PDGFC: variants seen among roughly 807,000 people sequenced by gnomAD.
PDGFC encodes the protein platelet-derived growth factor C.
Under a neutral mutation model 35.5 loss-of-function variants are expected in PDGFC, and 12 were observed. The observed-to-expected ratio is 0.34, with a 90% CI of 0.22 to 0.55. The LOEUF is 0.55. Ranked by LOEUF, PDGFC falls within the 20% of genes least tolerant of loss-of-function variation. The pLI is 0.91. For missense variants in PDGFC, 322 were observed against 412.4 expected, an observed-to-expected ratio of 0.78 and a Z score of 1.90; for synonymous variants, 159 against 148.8, an observed-to-expected ratio of 1.07 and a Z score of -0.50.
intron 1 of PDGFC, among the ~76,000 whole-genome samples, chr4:156,862,152 C>T (rs960843063): frequency 2.0e-5 from 3 of 151,960 alleles, no homozygotes; most frequent in Non-Finnish European, 4.4e-5. Flanking sequence ...AATAGCTTTC[C>T]AGGAAGAAAT....
chr4:156,801,518 C>T (rs928786606), intron 3 of PDGFC, among the ~76,000 whole-genome samples: 62 of 152,084 alleles, frequency 4.1e-4, no homozygotes, highest in African/African-American at 1.3e-3. Context: ...TCATGCAAAG[C>T]GTCTCCTACT....
chr4:156,966,684 G>A (rs1032363064), intron 1 of PDGFC, among the ~76,000 whole-genome samples: 16 of 152,104 alleles, frequency 1.1e-4, no homozygotes, highest in Admixed American at 2.6e-4. Flanking sequence ...TAAGGCTTCC[G>A]TGCCTGAGAC....
intron 1 of PDGFC, among the ~76,000 whole-genome samples, chr4:156,928,817 C>T (rs566248526): frequency 2.0e-4 from 30 of 152,260 alleles, no homozygotes; most frequent in Middle Eastern, 6.8e-3. Flanking sequence ...CAAGAGATTC[C>T]ACTTTTTCTC....
intron 1 of PDGFC, among the ~76,000 whole-genome samples, chr4:156,925,529 G>A (rs1731387825): frequency 6.6e-6 from 1 of 151,982 alleles, no homozygotes; most frequent in Non-Finnish European, 1.5e-5. Context: ...GAAGAATAGG[G>A]GAAAAGCACA....
chr4:156,873,475 C>G (rs574992595), intron 1 of PDGFC, among the ~76,000 whole-genome samples: 45 of 152,176 alleles, frequency 3.0e-4, no homozygotes, highest in Admixed American at 5.2e-4. Flanking sequence ...AGGGCATGTT[C>G]TTCATCTTAA....
intron 2 of PDGFC, among the ~76,000 whole-genome samples, chr4:156,831,678 G>A (rs971311808): frequency 1.3e-5 from 2 of 151,650 alleles, no homozygotes; most frequent in African/African-American, 4.9e-5. Context: ...TCCTGACCAA[G>A]TGATCCATCC....
At chr4:156,804,846 T>C (rs1731716808) in intron 3 of PDGFC, among the ~76,000 whole-genome samples, 1 of 152,052 alleles carries the variant, frequency 6.6e-6, no homozygotes, top group South Asian at 2.1e-4. Context: ...AGCTTTTAAA[T>C]CTTTGTGGCT....
intron 1 of PDGFC, among the ~76,000 whole-genome samples, chr4:156,953,857 A>C (rs1732142984): frequency 6.6e-6 from 1 of 152,006 alleles, no homozygotes; most frequent in Non-Finnish European, 1.5e-5. Flanking sequence ...ATACCAGGAC[A>C]CAATGGCCTG....
At chr4:156,823,182 A>G (rs1732318063) in intron 2 of PDGFC, among the ~76,000 whole-genome samples, 2 of 152,152 alleles carry the variant, frequency 1.3e-5, no homozygotes, top group Admixed American at 6.5e-5. Context: ...AGCTGAGCAC[A>G]TCACCTGTGG....
At chr4:156,885,152 T>TACAC (rs751905395) in intron 1 of PDGFC, among the ~76,000 whole-genome samples, 36 of 131,030 alleles carry the variant, frequency 2.7e-4, no homozygotes, top group African/African-American at 1.4e-3. Context: ...TGTATGTGCA[T>TACAC]ACATACACAC....
intron 1 of PDGFC, among the ~76,000 whole-genome samples, chr4:156,962,158 C>T (rs1164755968): frequency 3.3e-5 from 5 of 152,146 alleles, no homozygotes. Context: ...AGCATCAGGG[C>T]CTTTGAATGC....
At chr4:156,836,235 C>A (rs1399888492) in intron 2 of PDGFC, among the ~76,000 whole-genome samples, 1 of 151,946 alleles carries the variant, frequency 6.6e-6, no homozygotes, top group Non-Finnish European at 1.5e-5. Flanking sequence ...GTTCTTAAGC[C>A]AGGGGGTGGG....
At chr4:156,926,343 T>C (rs182952701) in intron 1 of PDGFC, among the ~76,000 whole-genome samples, 33 of 152,238 alleles carry the variant, frequency 2.2e-4, no homozygotes, top group African/African-American at 6.3e-4. Context: ...ATTATTTTCA[T>C]GTGACAAAAC....
At chr4:156,810,292 A>ATT (rs1731896776) in intron 3 of PDGFC, among the ~76,000 whole-genome samples, 1 of 151,968 alleles carries the variant, frequency 6.6e-6, no homozygotes, top group African/African-American at 2.4e-5. Context: ...GGCAAAAAGT[A>ATT]TTTCAGAATG....
At chr4:156,868,196 T>C (rs1329569903) in intron 1 of PDGFC, among the ~76,000 whole-genome samples, 1 of 152,206 alleles carries the variant, frequency 6.6e-6, no homozygotes, top group African/African-American at 2.4e-5. Context: ...TGCAGTATAT[T>C]AAATCCTATG....
intron 1 of PDGFC, among the ~76,000 whole-genome samples, chr4:156,918,543 T>C (rs1181112373): frequency 6.6e-6 from 1 of 152,182 alleles, no homozygotes; most frequent in Admixed American, 6.6e-5. Flanking sequence ...CCAGTGAGCA[T>C]TACTGCCTGA....
intron 1 of PDGFC, among the ~76,000 whole-genome samples, chr4:156,855,930 G>T (rs1280778543): frequency 2.0e-5 from 3 of 152,052 alleles, no homozygotes; most frequent in Admixed American, 6.6e-5. Context: ...AATCTTATTT[G>T]ATTCTGTAGA....
intron 1 of PDGFC, among the ~76,000 whole-genome samples, chr4:156,969,202 G>T (rs1732533233): frequency 6.6e-6 from 1 of 152,230 alleles, no homozygotes; most frequent in African/African-American, 2.4e-5. Flanking sequence ...TGGCTAGTAA[G>T]AAGCAATATT....
chr4:156,951,634 C>A (rs1732084641), intron 1 of PDGFC, among the ~76,000 whole-genome samples: 1 of 151,414 alleles, frequency 6.6e-6, no homozygotes, highest in African/African-American at 2.4e-5. Flanking sequence ...TGTCTCTCTT[C>A]CAGAGCCAGT....
Sources: gnomAD v4.1 joint callset for allele counts (sites outside exome capture counted in the v4.1 genomes callset) on GRCh38, gnomAD v4.1.1 for gene constraint, MANE v1.5 for transcripts, NCBI Gene and HGNC (gene_info 2026-07-23, HGNC 2026-07-21) for gene names.